Variants in MYBPC1 observed in about 807,000 individuals in gnomAD.
MYBPC1 encodes the protein myosin binding protein C1.
In MYBPC1, 52 loss-of-function variants were observed where a neutral mutation model predicts 147.1. The ratio of observed to expected loss-of-function variants is 0.35; its 90% CI spans 0.28 to 0.45. MYBPC1 has a LOEUF of 0.45. Among genes scored for constraint, MYBPC1 ranks in the 20% least tolerant of loss-of-function variants. The pLI is 1.00. For synonymous variants in MYBPC1, 477 were observed against 475.9 expected, an observed-to-expected ratio of 1.00 and a Z score of -0.03; for missense variants, 1,228 against 1,440.3, an observed-to-expected ratio of 0.85 and a Z score of 2.39.
In MYBPC1 at chr12:101,632,150, T is replaced by C. The variant is rs1383448017; in HGVS notation, c.556+12T>C. 12 of 1,546,008 alleles carry C rather than the reference T, an allele frequency of 7.8e-6. No individual in the cohort carries two copies. The highest frequency in any genetic ancestry group is 1.1e-5 in the Non-Finnish European group (12 of 1,117,904). ...TCTTGAAGTGCACGGTAAGAGAGCC[T>C]TCTTGCCTAGATAAATGTAATTTTT... On this transcript the variant is annotated intron_variant, in intron 8 of 31. Coordinates refer to ENST00000361466, the MANE Select transcript of MYBPC1 (RefSeq NM_002465.4).
chr12:101,685,259 A>G (rs1214794558), intron 31 of MYBPC1, among the ~76,000 whole-genome samples: 1 of 152,202 alleles, frequency 6.6e-6, no homozygotes, highest in Non-Finnish European at 1.5e-5. Flanking sequence ...CATTTAAATC[A>G]TCTATGAGGA....
chr12:101,627,878 G>C, intron 5 of MYBPC1, 74 bp downstream of exon 5: 1 of 1,463,602 alleles, frequency 6.8e-7, no homozygotes, highest in Non-Finnish European at 9.6e-7. Context: ...TCTTGAAGCT[G>C]TATTGATTCT....
At chr12:101,649,453 C>G in intron 15 of MYBPC1, 27 bp downstream of exon 15, 2 of 1,608,570 alleles carry the variant, frequency 1.2e-6, no homozygotes, top group African/African-American at 1.3e-5. Context: ...TAGATGTCTT[C>G]TCAGTGGGCT....
At position 101,652,732 on chromosome 12, in the gene MYBPC1, A is replaced by C. The variant is rs1177887660; in HGVS notation, c.1581A>C (p.Val527=). The change falls in exon 17 of 32, where the codon GTA becomes GTC. Residue 527 remains valine (V), a synonymous_variant. Coordinates refer to ENST00000361466, the MANE Select transcript of MYBPC1 (RefSeq NM_002465.4). ...NALTEDEGDY[V]FAPDAYNVTL... is the part of the protein sequence containing the mutation. ...TCACTGAAGATGAAGGTGATTATGT[A>C]TTTGCACCTGATGCCTACAATGTTA... is the stretch of plus-strand genomic sequence containing the variant. 1 of 1,613,938 alleles carries C rather than the reference A, an allele frequency of 6.2e-7. No homozygotes were observed. Among genetic ancestry groups the C allele is most frequent in the Non-Finnish European group, 8.5e-7 (1 of 1,179,948 alleles).
chr12:101,648,501 A>G (rs1218626485), intron 14 of MYBPC1, among the ~76,000 whole-genome samples: 1 of 152,230 alleles, frequency 6.6e-6, no homozygotes, highest in Non-Finnish European at 1.5e-5. Context: ...ACTTACATGA[A>G]AAAACATATT....
intron 9 of MYBPC1, among the ~76,000 whole-genome samples, chr12:101,636,376 T>A (rs987904161): frequency 6.6e-6 from 1 of 152,214 alleles, no homozygotes; most frequent in Non-Finnish European, 1.5e-5. Context: ...TTGCTTGGCT[T>A]AAGTGCATTT....
Position 101,662,460 on chromosome 12 carries a change from G to A in MYBPC1, c.2135G>A (p.Gly712Asp), listed in dbSNP as rs971697345. 6.2e-7 allele frequency: 1 copy of A among 1,614,230 alleles called. No individual in the cohort carries two copies. Among genetic ancestry groups the A allele is most frequent in the African/African-American group, 1.3e-5 (1 of 75,052 alleles). ...TTTGAGCCCAAGAAGATGATTGAAG[G>A]TGTGGCCTATGAGGTCCGCATCTTT... is the stretch of plus-strand genomic sequence containing the variant. ...TTFEPKKMIE[G>D]VAYEVRIFAV... The change falls in exon 21 of 32, where the codon GGT becomes GAT. Residue 712 changes from glycine to aspartate, a missense_variant. Gly to Asp is a moderately conservative substitution (Grantham distance 94, BLOSUM62 -1). Transcript: ENST00000361466.
chr12:101,683,818 G>A (rs1951180407), intron 30 of MYBPC1, among the ~76,000 whole-genome samples: 1 of 152,094 alleles, frequency 6.6e-6, no homozygotes, highest in African/African-American at 2.4e-5. Context: ...TTTTTTGAAA[G>A]CTTTGTAGAT....
intron 20 of MYBPC1, 67 bp downstream of exon 20, chr12:101,661,329 C>A: frequency 1.0e-6 from 1 of 991,048 alleles, no homozygotes; most frequent in Non-Finnish European, 1.6e-6. Context: ...CATCTTAGTA[C>A]AGAGCACATT....
chr12:101,680,286 A>C, intron 28 of MYBPC1, 57 bp from the exon 29 acceptor site: 1 of 1,521,108 alleles, frequency 6.6e-7, no homozygotes, highest in South Asian at 1.2e-5. Flanking sequence ...TTGATGGTCT[A>C]TTAATATGCC....
chr12:101,654,351 T>C (rs1198781335), intron 18 of MYBPC1, among the ~76,000 whole-genome samples: 3 of 152,032 alleles, frequency 2.0e-5, no homozygotes, highest in African/African-American at 4.8e-5. Flanking sequence ...ATGTGAACAA[T>C]GGGTTTCAAG....
intron 3 of MYBPC1, among the ~76,000 whole-genome samples, chr12:101,620,791 T>C (rs541362680): frequency 6.6e-6 from 1 of 152,312 alleles, no homozygotes; most frequent in African/African-American, 2.4e-5. Context: ...TATTTTATTT[T>C]TACATCTTAT....
At position 101,676,271 on chromosome 12, in the gene MYBPC1, A is replaced by T. The variant is rs147257051; in HGVS notation, c.2949+840A>T. On this transcript the variant is annotated intron_variant, in intron 26 of 31. Transcript: ENST00000361466. ...TATAGATGAGGAAACTGAGGCTTGCAGAGGATAAATGACTTGCTAAAGATC... is the reference window on the plus strand; with the variant it reads ...TATAGATGAGGAAACTGAGGCTTGCTGAGGATAAATGACTTGCTAAAGATC... Among the ~76,000 whole-genome samples the T allele has an allele frequency of 2.6e-4, 39 of 152,280 alleles. No individual in the cohort carries two copies. The East Asian group carries it at 7.3e-3, about 29-fold the overall frequency.
At chr12:101,632,694 A>T (rs1890161153) in intron 8 of MYBPC1, among the ~76,000 whole-genome samples, 1 of 152,238 alleles carries the variant, frequency 6.6e-6, no homozygotes, top group African/African-American at 2.4e-5. Context: ...AGGTGAATGT[A>T]AAGTGTGATG....
intron 18 of MYBPC1, among the ~76,000 whole-genome samples, chr12:101,654,868 C>A (rs1229579282): frequency 6.6e-6 from 1 of 152,188 alleles, no homozygotes; most frequent in Non-Finnish European, 1.5e-5. Flanking sequence ...TGAGCACTGT[C>A]ATGGACCCAC....
intron 18 of MYBPC1, among the ~76,000 whole-genome samples, chr12:101,658,555 G>GA (rs1896000846): frequency 6.6e-6 from 1 of 151,458 alleles, no homozygotes; most frequent in South Asian, 2.1e-4. Context: ...TGCAATAAAA[G>GA]AAAAAAAGGG....
chr12:101,668,217 C>T (rs146991788), intron 23 of MYBPC1, among the ~76,000 whole-genome samples: 13 of 152,168 alleles, frequency 8.5e-5, no homozygotes, highest in African/African-American at 2.4e-4. Flanking sequence ...ACAATCCCTA[C>T]GACAACCATA....
intron 2 of MYBPC1, among the ~76,000 whole-genome samples, chr12:101,616,147 G>T (rs1432753736): frequency 6.6e-6 from 1 of 152,110 alleles, no homozygotes; most frequent in African/African-American, 2.4e-5. Context: ...ACGAAAACTG[G>T]CTCAGTGCCA....
chr12:101,626,110 AAAT>A (rs1258148326), intron 3 of MYBPC1, among the ~76,000 whole-genome samples: 2 of 151,206 alleles, frequency 1.3e-5, no homozygotes, highest in African/African-American at 4.8e-5. Flanking sequence ...AAAAAAAAAA[AAAT>A]TTATCCTTCT....
Sources: allele counts gnomAD v4.1 joint callset (sites outside exome capture counted in the v4.1 genomes callset), GRCh38; gene constraint gnomAD v4.1.1; transcripts MANE v1.5; gene names NCBI Gene and HGNC (gene_info 2026-07-23, HGNC 2026-07-21).